The following MNAT1 variants were observed in gnomAD, a reference collection of about 807,000 sequenced individuals.
MNAT1 encodes CDK-activating kinase assembly factor MAT1.
In MNAT1, 43 loss-of-function variants were observed where a neutral mutation model predicts 42.0. That is an observed-to-expected ratio of 1.02 (90% CI 0.80 to 1.32). MNAT1 has a LOEUF of 1.32. Ranked by LOEUF, MNAT1 falls within the 40% of genes most tolerant of loss-of-function variation. The probability of loss-of-function intolerance (pLI) is 0.00; values close to 1 mark genes in which losing one functional copy is unlikely to be tolerated. For missense variants in MNAT1, 306 were observed against 350.4 expected, an observed-to-expected ratio of 0.87 and a Z score of 1.01; for synonymous variants, 118 against 120.0, an observed-to-expected ratio of 0.98 and a Z score of 0.11.
chr14:60,853,010 G>T (rs570075153), intron 6 of MNAT1, among the ~76,000 whole-genome samples: 1 of 152,254 alleles, frequency 6.6e-6, no homozygotes, highest in African/African-American at 2.4e-5. Context: ...TTTTGCTTAG[G>T]ATTGTCTTGG....
At chr14:60,780,111 G>C (rs184845278) in intron 1 of MNAT1, 3 of 1,460,260 alleles carry the variant, frequency 2.1e-6, no homozygotes, top group Non-Finnish European at 2.9e-6. Flanking sequence ...ATCTTTACTC[G>C]AGTGCAGAAA....
intron 7 of MNAT1, among the ~76,000 whole-genome samples, chr14:60,944,241 T>C (rs1474750829): frequency 1.3e-5 from 2 of 152,210 alleles, no homozygotes; most frequent in South Asian, 2.1e-4. Context: ...CCAGGTGCCC[T>C]TCCTTATCAG....
intron 6 of MNAT1, among the ~76,000 whole-genome samples, chr14:60,874,075 T>G (rs1015982139): frequency 6.6e-6 from 1 of 152,212 alleles, no homozygotes; most frequent in Non-Finnish European, 1.5e-5. Flanking sequence ...TTTACTAAAT[T>G]GCTTTTCATC....
At chr14:60,921,217 G>A (rs2035652520) in intron 7 of MNAT1, among the ~76,000 whole-genome samples, 1 of 152,070 alleles carries the variant, frequency 6.6e-6, no homozygotes, top group Non-Finnish European at 1.5e-5. Flanking sequence ...TAAATTTGAA[G>A]GAGAATTCAT....
In MNAT1 at chr14:60,780,170, C is replaced by A. The variant is rs2031406456; in HGVS notation, c.90-16047C>A. ...TACTGATCTTGAGCTCATAAAATACCTAAATAATGTGGTGGAACAACTAAA... is the reference window on the plus strand; with the variant it reads ...TACTGATCTTGAGCTCATAAAATACATAAATAATGTGGTGGAACAACTAAA... On this transcript the variant is annotated intron_variant, in intron 1 of 7. Transcript: ENST00000261245. The A allele has an allele frequency of 2.0e-6, 3 of 1,518,422 alleles. No individual in the cohort carries two copies. In the East Asian group the frequency reaches 6.8e-5, roughly 34 times the overall value. The allele number at this position is 1,518,422 out of a possible 1,614,324, so 94.1% of individuals were successfully genotyped here. A position where few individuals can be genotyped will look rare whatever the true frequency, so the allele number is the denominator to read the frequency against.
chr14:60,777,829 G>A (rs1284534795), intron 1 of MNAT1, among the ~76,000 whole-genome samples: 7 of 152,092 alleles, frequency 4.6e-5, no homozygotes, highest in African/African-American at 1.7e-4. Flanking sequence ...ATCTATAGAA[G>A]CATCTTCTAG....
intron 7 of MNAT1, among the ~76,000 whole-genome samples, chr14:60,930,205 CTTTATTATT>C (rs1389892868): frequency 1.3e-5 from 1 of 76,892 alleles, no homozygotes; most frequent in African/African-American, 4.5e-5. Context: ...CTTCTTCCGT[CTTTATTATT>C]ATTATTATTA....
chr14:60,741,289 C>T (rs1285502506), intron 1 of MNAT1, among the ~76,000 whole-genome samples: 2 of 152,168 alleles, frequency 1.3e-5, no homozygotes, highest in Non-Finnish European at 2.9e-5. Flanking sequence ...GATCCTCCTG[C>T]CTCATCCTCT....
Position 60,925,647 on chromosome 14 carries a change from G to A in MNAT1, c.810-42582G>A, listed in dbSNP as rs192691143. On this transcript the variant is annotated intron_variant, in intron 7 of 7. Transcript: ENST00000261245. Reference sequence around the variant, plus strand: ...CAGGTTACATTCACTTTTTTCTTACGTTTCTTATAAAACCTATATTTACTG... The same window carrying A: ...CAGGTTACATTCACTTTTTTCTTACATTTCTTATAAAACCTATATTTACTG... Among the ~76,000 whole-genome samples, 630 of 151,916 alleles carry A rather than the reference G, an allele frequency of 4.1e-3. 6 individuals are homozygous for A. The highest frequency in any genetic ancestry group is 0.015 in the African/African-American group (605 of 41,414).
At chr14:60,903,452 A>G (rs2035114873) in intron 7 of MNAT1, among the ~76,000 whole-genome samples, 1 of 152,212 alleles carries the variant, frequency 6.6e-6, no homozygotes, top group African/African-American at 2.4e-5. Flanking sequence ...GAGGCAATCT[A>G]TAATACTTTA....
chr14:60,803,683 T>TA (rs2032280273), intron 3 of MNAT1, among the ~76,000 whole-genome samples: 1 of 152,214 alleles, frequency 6.6e-6, no homozygotes, highest in South Asian at 2.1e-4. Context: ...CTGTTGAAGA[T>TA]AAACGTTTAA....
intron 7 of MNAT1, among the ~76,000 whole-genome samples, chr14:60,963,702 T>C (rs1411039931): frequency 6.6e-6 from 1 of 152,136 alleles, no homozygotes; most frequent in Non-Finnish European, 1.5e-5. Flanking sequence ...TGGCTTTAAA[T>C]GAAGACTAAA....
chr14:60,808,708 ATCT>A (rs1161391342), intron 4 of MNAT1: 1 of 180,758 alleles, frequency 5.5e-6, no homozygotes, highest in Non-Finnish European at 1.2e-5. Context: ...TGCCTGTATA[ATCT>A]TCTGGTAAGT....
At chr14:60,875,741 A>G (rs1445258482) in intron 6 of MNAT1, among the ~76,000 whole-genome samples, 1 of 152,054 alleles carries the variant, frequency 6.6e-6, no homozygotes, top group African/African-American at 2.4e-5. Flanking sequence ...TCATAACTTT[A>G]GTAATTTGGG....
chr14:60,780,046 C>A, intron 1 of MNAT1: 4 of 1,515,330 alleles, frequency 2.6e-6, no homozygotes, highest in Non-Finnish European at 3.7e-6. Flanking sequence ...TGGACGAGTT[C>A]TTCTCATTCG....
At chr14:60,763,577 T>G (rs1395015476) in intron 1 of MNAT1, among the ~76,000 whole-genome samples, 2 of 152,196 alleles carry the variant, frequency 1.3e-5, no homozygotes, top group Non-Finnish European at 2.9e-5. Flanking sequence ...CAGTTCAATT[T>G]TCACTCGGTT....
At chr14:60,797,816 G>A (rs1004904458) in intron 2 of MNAT1, among the ~76,000 whole-genome samples, 2 of 152,076 alleles carry the variant, frequency 1.3e-5, no homozygotes, top group Non-Finnish European at 2.9e-5. Flanking sequence ...AATAATCCCA[G>A]CTATTCGGGG....
At position 60,879,761 on chromosome 14, in the gene MNAT1, G is replaced by A. The variant is rs1427238944; in HGVS notation, c.735G>A (p.Leu245=). The stretch of plus-strand genomic sequence containing the variant: ...CTATTCACAAGCTTGAAGAAGCTCT[G>A]TATGAATACCAGCCACTGCAGATAG... ...LAPIHKLEEA[L]YEYQPLQIET... is the part of the protein sequence containing the mutation. The change falls in exon 7 of 8, where the codon CTG becomes CTA. Residue 245 remains leucine, a synonymous_variant. Transcript: ENST00000261245. The A allele has an allele frequency of 6.2e-7, 1 of 1,613,132 alleles. No individual in the cohort carries two copies. The highest frequency in any genetic ancestry group is 8.5e-7 in the Non-Finnish European group (1 of 1,179,444).
intron 7 of MNAT1, among the ~76,000 whole-genome samples, chr14:60,886,520 T>G (rs1009421555): frequency 2.6e-5 from 4 of 152,022 alleles, no homozygotes; most frequent in Admixed American, 1.3e-4. Flanking sequence ...AAAAGGCTAA[T>G]GTAATGTTTT....
Sources: gnomAD v4.1 joint callset for allele counts (sites outside exome capture counted in the v4.1 genomes callset) on GRCh38, gnomAD v4.1.1 for gene constraint, MANE v1.5 for transcripts, NCBI Gene and HGNC (gene_info 2026-07-23, HGNC 2026-07-21) for gene names.